MAPKAPK2: variants seen among roughly 807,000 people sequenced by gnomAD.
The protein encoded by MAPKAPK2 is MAP kinase-activated protein kinase 2.
Under a neutral mutation model 48.8 loss-of-function variants are expected in MAPKAPK2, and 9 were observed. The observed-to-expected ratio is 0.18, with a 90% CI of 0.11 to 0.32. The LOEUF is 0.32. Among genes scored for constraint, MAPKAPK2 ranks in the 10% least tolerant of loss-of-function variants. The pLI, the probability that MAPKAPK2 is intolerant of heterozygous loss-of-function variation, is 1.00. For synonymous variants in MAPKAPK2, 202 were observed against 190.6 expected (o/e 1.06, Z -0.49); for missense variants, 331 against 498.3 (o/e 0.66, Z 3.20).
In MAPKAPK2 at chr1:206,685,456, G is replaced by T; in HGVS notation, c.227G>T (p.Gly76Val). 1 of 1,541,186 alleles carries T rather than the reference G, an allele frequency of 6.5e-7. No homozygotes were observed. ...TSQVLGLGIN[G>V]KVLQIFNKRT... ...CAGGTCCTGGGGCTGGGCATCAACG[G>T]CAAAGTTTTGCAGATCTTCAACAAG... Residue 76 changes from glycine to valine, a missense_variant, in exon 1 of 10, where the codon GGC (glycine) becomes GTC (valine). By Grantham distance (109) the Gly-to-Val change is moderately radical. Coordinates refer to ENST00000367103, the MANE Select transcript of MAPKAPK2 (RefSeq NM_032960.4).
intron 1 of MAPKAPK2, among the ~76,000 whole-genome samples, chr1:206,685,927 T>A (rs1459453902): frequency 2.0e-5 from 3 of 152,176 alleles, no homozygotes; most frequent in Non-Finnish European, 4.4e-5. Flanking sequence ...CATTACTCAT[T>A]GAGCCGGTTG....
intron 1 of MAPKAPK2, among the ~76,000 whole-genome samples, chr1:206,705,325 G>A (rs545688314): frequency 6.6e-6 from 1 of 152,176 alleles, no homozygotes; most frequent in East Asian, 1.9e-4. Context: ...TGTGCTTCTG[G>A]AGAAGCTTTT....
At position 206,704,571 on chromosome 1, in the gene MAPKAPK2, G is replaced by A. The variant is rs1271270027; in HGVS notation, c.279+19063G>A. ...AGGACTTGATGAGGGAATAAAACCA[G>A]CCGGCTCATCTAGGGGCTGATATCT... is the stretch of plus-strand genomic sequence containing the variant. On this transcript the variant is annotated intron_variant, in intron 1 of 9. Transcript: ENST00000367103. The surrounding 1 kb of genome is among the most constrained non-coding windows in gnomAD (Gnocchi z 4.3). 6.6e-6 allele frequency among the ~76,000 whole-genome samples: 1 copy of A among 152,194 alleles called. No homozygotes were observed. The highest frequency in any genetic ancestry group is 2.4e-5 in the African/African-American group (1 of 41,436).
intron 1 of MAPKAPK2, among the ~76,000 whole-genome samples, chr1:206,695,678 C>T (rs142590638): frequency 6.6e-6 from 1 of 152,032 alleles, no homozygotes; most frequent in Admixed American, 6.6e-5. Context: ...TGGGTCTTCC[C>T]ATCCTTCCCC....
intron 1 of MAPKAPK2, among the ~76,000 whole-genome samples, chr1:206,693,790 G>A (rs1553426626): frequency 1.3e-5 from 2 of 152,224 alleles, no homozygotes; most frequent in South Asian, 2.1e-4. Context: ...CCTCCGCAGT[G>A]TGAGGCTTTG....
chr1:206,731,633 C>G lies in MAPKAPK2; in HGVS notation c.893-7C>G. On this transcript the variant is annotated splice_polypyrimidine_tract_variant and splice_region_variant and intron_variant, in intron 7 of 9. Transcript: ENST00000367103. This position sits in a 1 kb window ranked among gnomAD's most constrained non-coding sequence, Gnocchi z 5.9. The stretch of plus-strand genomic sequence containing the variant: ...GAGCTGTCACTGCCCCCTGTCCCAC[C>G]CCACAGTGAAGATGCTCATTCGGAA... 6 of 1,611,908 alleles carry G rather than the reference C, an allele frequency of 3.7e-6. No individual in the cohort carries two copies. Among genetic ancestry groups the G allele is most frequent in the Non-Finnish European group, 5.1e-6 (6 of 1,177,986 alleles).
intron 1 of MAPKAPK2, among the ~76,000 whole-genome samples, chr1:206,723,072 G>A (rs1055683469): frequency 8.5e-5 from 13 of 152,202 alleles, no homozygotes; most frequent in East Asian, 7.7e-4. Flanking sequence ...CGCTCTTGGC[G>A]CTGAATCAGA....
intron 1 of MAPKAPK2, among the ~76,000 whole-genome samples, chr1:206,711,146 C>G (rs961646171): frequency 2.9e-4 from 44 of 152,252 alleles, no homozygotes; most frequent in African/African-American, 9.2e-4. Context: ...CACATGCACA[C>G]ATGCACACAC....
chr1:206,716,566 C>A (rs140092698), intron 1 of MAPKAPK2, among the ~76,000 whole-genome samples: 7 of 152,124 alleles, frequency 4.6e-5, no homozygotes, highest in East Asian at 1.9e-4. Context: ...TCCTCCACCC[C>A]CTGTGAGATC....
At chr1:206,710,766 G>GA (rs1673117730) in intron 1 of MAPKAPK2, among the ~76,000 whole-genome samples, 1 of 152,216 alleles carries the variant, frequency 6.6e-6, no homozygotes, top group South Asian at 2.1e-4. Flanking sequence ...TCCAAACTTA[G>GA]AAAGGAGTAT....
chr1:206,719,394 T>G (rs528476275), intron 1 of MAPKAPK2, among the ~76,000 whole-genome samples: 1 of 152,274 alleles, frequency 6.6e-6, no homozygotes, highest in African/African-American at 2.4e-5. Flanking sequence ...CCGTTGTAAG[T>G]TTTAGCTTTG....
intron 1 of MAPKAPK2, among the ~76,000 whole-genome samples, chr1:206,695,602 C>G (rs1672590736): frequency 2.6e-5 from 4 of 152,004 alleles, no homozygotes; most frequent in Non-Finnish European, 5.9e-5. Context: ...TGTCCCCCGT[C>G]CTGTCTATAT....
chr1:206,721,893 C>T (rs900586024), intron 1 of MAPKAPK2, among the ~76,000 whole-genome samples: 1 of 152,152 alleles, frequency 6.6e-6, no homozygotes, highest in Non-Finnish European at 1.5e-5. Context: ...TGGAGAAACC[C>T]TGTCTCTACT....
At chr1:206,718,125 A>G (rs1438914838) in intron 1 of MAPKAPK2, among the ~76,000 whole-genome samples, 3 of 152,232 alleles carry the variant, frequency 2.0e-5, no homozygotes, top group Non-Finnish European at 4.4e-5. Context: ...TGTCATCCAT[A>G]TTACTACCAC....
At chr1:206,707,579 G>C (rs1204084854) in intron 1 of MAPKAPK2, among the ~76,000 whole-genome samples, 1 of 152,142 alleles carries the variant, frequency 6.6e-6, no homozygotes, top group African/African-American at 2.4e-5. Flanking sequence ...CCCTCACTGT[G>C]TTAATGGACT....
At chr1:206,727,883 A>G (rs1253916377) in intron 1 of MAPKAPK2, among the ~76,000 whole-genome samples, 1 of 152,142 alleles carries the variant, frequency 6.6e-6, no homozygotes, top group Non-Finnish European at 1.5e-5. Flanking sequence ...TCGGCCTCCC[A>G]AAGTGCTGGG....
Position 206,685,447 on chromosome 1 carries a change from G to A in MAPKAPK2, c.218G>A (p.Gly73Asp). 1.3e-6 allele frequency: 2 copies of A among 1,543,984 alleles called. No individual in the cohort carries two copies. Among genetic ancestry groups the A allele is most frequent in the Middle Eastern group, 1.7e-4 (1 of 5,730 alleles). ...YKVTSQVLGL[G>D]INGKVLQIFN... ...GTCACCAGCCAGGTCCTGGGGCTGG[G>A]CATCAACGGCAAAGTTTTGCAGATC... Residue 73 changes from glycine (G) to aspartate (D), a missense_variant, in exon 1 of 10, where the codon GGC becomes GAC. By Grantham distance (94) the Gly-to-Asp change is moderately conservative (BLOSUM62 -1). Coordinates refer to ENST00000367103, the MANE Select transcript of MAPKAPK2 (RefSeq NM_032960.4).
rs1673904999 is a variant in MAPKAPK2, at chr1:206,731,348, G to C, written c.892+86G>C. On this transcript the variant is annotated intron_variant, in intron 7 of 9. Transcript: ENST00000367103. This position sits in a 1 kb window ranked among gnomAD's most constrained non-coding sequence, Gnocchi z 5.9. ...TGTGTACACGCAGACACATGTATGG[G>C]CCTCCATCTCATGTGCGTGGTGTAA... is the stretch of plus-strand genomic sequence containing the variant. The C allele has an allele frequency of 6.3e-7, 1 of 1,581,480 alleles. No homozygotes were observed. The highest frequency in any genetic ancestry group is 8.6e-7 in the Non-Finnish European group (1 of 1,162,296).
At position 206,731,447 on chromosome 1, in the gene MAPKAPK2, C is replaced by T. The variant is rs1673908348; in HGVS notation, c.892+185C>T. 8.0e-7 allele frequency: 1 copy of T among 1,256,606 alleles called. No homozygotes were observed. The highest frequency in any genetic ancestry group is 1.1e-6 in the Non-Finnish European group (1 of 900,202). 77.8% of individuals were successfully genotyped at this position (1,256,606 alleles called of 1,614,324 possible). On this transcript the variant is annotated intron_variant, in intron 7 of 9. Coordinates refer to ENST00000367103, the MANE Select transcript of MAPKAPK2 (RefSeq NM_032960.4). The surrounding 1 kb of genome is among the most constrained non-coding windows in gnomAD (Gnocchi z 5.9). ...TTTTGCCTGTGTGGAGGGCTGGAGGCAGGGCCAAGGCTGTGGGGCTGTGCA... is the reference window on the plus strand; with the variant it reads ...TTTTGCCTGTGTGGAGGGCTGGAGGTAGGGCCAAGGCTGTGGGGCTGTGCA...
Sources: allele counts gnomAD v4.1 joint callset (sites outside exome capture counted in the v4.1 genomes callset), GRCh38; gene constraint gnomAD v4.1.1; non-coding constraint Gnocchi (gnomAD v3.1); transcripts MANE v1.5; gene names NCBI Gene and HGNC (gene_info 2026-07-23, HGNC 2026-07-21).